Variants in MLLT10 observed in about 807,000 individuals in gnomAD.
The protein encoded by MLLT10 is MLLT10 histone lysine methyltransferase DOT1L cofactor.
Under a neutral mutation model 129.1 loss-of-function variants are expected in MLLT10, and 30 were observed. The ratio of observed to expected loss-of-function variants is 0.23; its 90% CI spans 0.17 to 0.32. MLLT10 has a LOEUF of 0.32. Ranked by LOEUF, MLLT10 falls within the 10% of genes least tolerant of loss-of-function variation. MLLT10 has a pLI of 1.00. For missense variants in MLLT10, 1,119 were observed against 1,268.3 expected (o/e 0.88, Z 1.79); for synonymous variants, 490 against 446.4 (o/e 1.10, Z -1.23).
At chr10:21,589,057 G>A (rs539866755) in intron 4 of MLLT10, among the ~76,000 whole-genome samples, 73 of 152,068 alleles carry the variant, frequency 4.8e-4, no homozygotes, top group South Asian at 1.5e-3. Flanking sequence ...GACTACAGGT[G>A]TGAGCCACCA....
Position 21,689,563 on chromosome 10 carries a change from A to ATATG in MLLT10, c.1699+7307_1699+7308insATGT, listed in dbSNP as rs1491529253. ...TGTAAAGTAATATATATATATATAT[A>ATATG]TGTATATATATATATATATATATAT... On this transcript the variant is annotated intron_variant, in intron 13 of 22. Coordinates refer to ENST00000307729, the MANE Select transcript of MLLT10 (RefSeq NM_001195626.3). Among the ~76,000 whole-genome samples, 807 of 89,356 alleles carry ATATG rather than the reference A, an allele frequency of 9.0e-3. 14 individuals carry two copies. The highest frequency in any genetic ancestry group is 0.034 in the African/African-American group (758 of 22,166). 58.6% of individuals were successfully genotyped at this position (89,356 alleles called of 152,430 possible). A position where few individuals can be genotyped will look rare whatever the true frequency, so the allele number is the denominator to read the frequency against.
intron 22 of MLLT10, among the ~76,000 whole-genome samples, chr10:21,740,843 T>G (rs2058769378): frequency 1.3e-5 from 2 of 152,360 alleles, no homozygotes; most frequent in Non-Finnish European, 2.9e-5. Flanking sequence ...CCGTTTCGAT[T>G]AATTCTCCCC....
intron 9 of MLLT10, among the ~76,000 whole-genome samples, chr10:21,666,423 T>C (rs1391386225): frequency 6.6e-6 from 1 of 152,112 alleles, no homozygotes; most frequent in African/African-American, 2.4e-5. Context: ...CCAAACACTT[T>C]GGGAGGCCGA....
Position 21,723,084 on chromosome 10 carries a change from TC to T in MLLT10, c.1879-3159del, listed in dbSNP as rs1437774738. On this transcript the variant is annotated intron_variant, in intron 14 of 22. Coordinates refer to ENST00000307729, the MANE Select transcript of MLLT10 (RefSeq NM_001195626.3). ...AAATTGGTCATTTCCAATAATACTT[TC>T]ATTTATTGTATCAACTTTTGCCAGC... 1.7e-4 allele frequency among the ~76,000 whole-genome samples: 26 copies of T among 152,344 alleles called. No individual in the cohort carries two copies. In the South Asian group the frequency reaches 4.8e-3, roughly 28 times the overall value.
In MLLT10 at chr10:21,743,112, T is replaced by C. The variant is rs1833880256; in HGVS notation, c.*1129T>C. The C allele has an allele frequency of 8.7e-6, 2 of 230,666 alleles. No individual in the cohort carries two copies. Among genetic ancestry groups the C allele is most frequent in the East Asian group, 6.2e-5 (1 of 16,172 alleles). The allele number at this position is 230,666 out of a possible 1,614,324, so 14.3% of individuals were successfully genotyped here. A position where few individuals can be genotyped will look rare whatever the true frequency, so the allele number is the denominator to read the frequency against. On this transcript the variant is annotated 3_prime_UTR_variant, in exon 23 of 23. Transcript: ENST00000307729. ...ACTTTGGGGAGCCACGCTTTTGATG[T>C]GACAGTACCGCAGAGTGATTCCCCC...
Position 21,576,932 on chromosome 10 carries a change from A to G in MLLT10, c.241-9362A>G, listed in dbSNP as rs111844816. 9.9e-5 allele frequency among the ~76,000 whole-genome samples: 15 copies of G among 152,280 alleles called. 1 individual carries two copies. The highest frequency in any genetic ancestry group is 2.6e-4 in the Admixed American group (4 of 15,290). ...AGGCGTGGGCCACTGCGCCCGGCCA[A>G]TTGTTTTGTTTTGAAACAGTGTCTA... On this transcript the variant is annotated intron_variant, in intron 3 of 22. Coordinates refer to ENST00000307729, the MANE Select transcript of MLLT10 (RefSeq NM_001195626.3).
At chr10:21,551,429 C>G (rs1204164698) in intron 3 of MLLT10, among the ~76,000 whole-genome samples, 1 of 148,800 alleles carries the variant, frequency 6.7e-6, no homozygotes, top group East Asian at 2.0e-4. Context: ...ACTGCTGACT[C>G]ATAATCTAGT....
At chr10:21,594,553 C>CAAAAAAAAAAAAAAAAAAAAAAAAAAAA (rs34844830) in intron 4 of MLLT10, among the ~76,000 whole-genome samples, 1 of 57,566 alleles carries the variant, frequency 1.7e-5, no homozygotes. Context: ...AACTCTGTCT[C>CAAAAAAAAAAAAAAAAAAAAAAAAAAAA]AAAAAAAAAA....
rs754357119 is a variant in MLLT10, at chr10:21,740,064, A to G, written c.2990A>G (p.Gln997Arg). 13 of 1,613,200 alleles carry G rather than the reference A, an allele frequency of 8.1e-6. No homozygotes were observed. Among genetic ancestry groups the G allele is most frequent in the Non-Finnish European group, 9.3e-6 (11 of 1,179,574 alleles). The change falls in exon 22 of 23, where the codon CAA becomes CGA. Residue 997 changes from glutamine to arginine, a missense_variant. This residue lies in a region of MLLT10 where 1,004 missense variants were observed against 1,008.7 expected (regional missense o/e 1.00). Coordinates refer to ENST00000307729, the MANE Select transcript of MLLT10 (RefSeq NM_001195626.3). ...QHQAFLYQLM[Q>R]HHHQQHHQPE... ...CAAGCCTTTTTGTATCAGTTAATGC[A>G]ACATCACCACCAGCAGCACCACCAA...
chr10:21,539,948 G>GAA (rs551675253), intron 3 of MLLT10, among the ~76,000 whole-genome samples: 3 of 135,422 alleles, frequency 2.2e-5, no homozygotes, highest in Non-Finnish European at 3.2e-5. Flanking sequence ...CTCAGGAAAG[G>GAA]AAAAAAAAAA....
intron 8 of MLLT10, among the ~76,000 whole-genome samples, chr10:21,646,895 G>A (rs548136871): frequency 2.7e-4 from 38 of 142,102 alleles, no homozygotes; most frequent in Non-Finnish European, 4.8e-4. Context: ...TCGCTCTGTC[G>A]CCCAGGCTGG....
chr10:21,676,456 T>TA (rs1257837043), intron 11 of MLLT10, among the ~76,000 whole-genome samples: 3 of 145,656 alleles, frequency 2.1e-5, no homozygotes, highest in African/African-American at 5.1e-5. Flanking sequence ...CATGGTGACT[T>TA]ACGCCTGTAA....
chr10:21,704,383 A>ATATAT (rs1265825468), intron 13 of MLLT10, among the ~76,000 whole-genome samples: 1 of 125,006 alleles, frequency 8.0e-6, no homozygotes, highest in Non-Finnish European at 1.7e-5. Context: ...ATATATATAT[A>ATATAT]ATTATTACTG....
At chr10:21,651,028 TTGG>T (rs1439829367) in intron 8 of MLLT10, among the ~76,000 whole-genome samples, 5 of 146,518 alleles carry the variant, frequency 3.4e-5, no homozygotes, top group African/African-American at 1.0e-4. Context: ...ACAAAAGTAT[TTGG>T]TGGTTGTGTT....
Position 21,740,263 on chromosome 10 carries a change from A to G in MLLT10, c.3162+27A>G, listed in dbSNP as rs779302137. On this transcript the variant is annotated intron_variant, in intron 22 of 22. Coordinates refer to ENST00000307729, the MANE Select transcript of MLLT10 (RefSeq NM_001195626.3). ...TAAGTATATTTTCCTTACTACATCTAATGAAACAAGAACTGTATTGATTAA... is the reference window on the plus strand; with the variant it reads ...TAAGTATATTTTCCTTACTACATCTGATGAAACAAGAACTGTATTGATTAA... The G allele has an allele frequency of 1.1e-5, 18 of 1,601,768 alleles. No individual in the cohort carries two copies. The East Asian group carries it at 3.1e-4, about 28-fold the overall frequency.
At chr10:21,624,908 A>G in intron 8 of MLLT10, 1 of 1,294,866 alleles carries the variant, frequency 7.7e-7, no homozygotes, top group Non-Finnish European at 1.1e-6. Context: ...CCTTTTGTGA[A>G]TAGCCAGCTC....
intron 8 of MLLT10, among the ~76,000 whole-genome samples, chr10:21,632,966 C>T (rs1300043124): frequency 1.3e-5 from 2 of 152,100 alleles, no homozygotes; most frequent in Non-Finnish European, 2.9e-5. Context: ...ATCTATTAAA[C>T]ATGGCATGTC....
At chr10:21,600,501 C>G (rs2043422147) in intron 5 of MLLT10, among the ~76,000 whole-genome samples, 1 of 151,986 alleles carries the variant, frequency 6.6e-6, no homozygotes, top group Non-Finnish European at 1.5e-5. Flanking sequence ...TAAAACAAGT[C>G]TTGTGTCTAC....
chr10:21,556,822 T>C (rs1564404408), intron 3 of MLLT10: 1 of 1,560,540 alleles, frequency 6.4e-7, no homozygotes, highest in Non-Finnish European at 8.7e-7. Context: ...TCTTCGGTCC[T>C]CAGTCATTTA....
Sources: allele counts gnomAD v4.1 joint callset (sites outside exome capture counted in the v4.1 genomes callset), GRCh38; gene constraint gnomAD v4.1.1; regional missense constraint gnomAD v4.1.1; transcripts MANE v1.5; gene names NCBI Gene and HGNC (gene_info 2026-07-23, HGNC 2026-07-21).